Variants in UBE2G1 observed in about 807,000 individuals in gnomAD.
UBE2G1 encodes the protein ubiquitin-conjugating enzyme E2 G1.
Under a neutral mutation model 22.7 loss-of-function variants are expected in UBE2G1, and 5 were observed. The observed-to-expected ratio is 0.22, with a 90% CI of 0.12 to 0.46. The LOEUF is 0.46. Among genes scored for constraint, UBE2G1 ranks in the 20% least tolerant of loss-of-function variants. The probability of loss-of-function intolerance (pLI) is 0.99; values close to 1 mark genes in which losing one functional copy is unlikely to be tolerated. For synonymous variants in UBE2G1, 74 were observed against 67.5 expected (o/e 1.10, Z -0.47); for missense variants, 88 against 203.9 (o/e 0.43, Z 3.46).
intron 1 of UBE2G1, among the ~76,000 whole-genome samples, chr17:4,353,426 CAT>C (rs757254438): frequency 1.3e-5 from 2 of 149,918 alleles, no homozygotes; most frequent in East Asian, 1.9e-4. Flanking sequence ...AACGAAACCC[CAT>C]ATATATATAG....
At chr17:4,356,993 G>C (rs1969912910) in intron 1 of UBE2G1, among the ~76,000 whole-genome samples, 1 of 152,086 alleles carries the variant, frequency 6.6e-6, no homozygotes, top group African/African-American at 2.4e-5. Flanking sequence ...CTAACACCCT[G>C]TATAACTCTA....
At chr17:4,341,780 A>C (rs55739008) in intron 1 of UBE2G1, among the ~76,000 whole-genome samples, 1 of 152,236 alleles carries the variant, frequency 6.6e-6, no homozygotes, top group Non-Finnish European at 1.5e-5. Flanking sequence ...ATTCACCTCT[A>C]GTGGTCACTC....
chr17:4,285,786 C>T, intron 4 of UBE2G1, among the ~76,000 whole-genome samples: 1 of 151,960 alleles, frequency 6.6e-6, no homozygotes, highest in Non-Finnish European at 1.5e-5. Context: ...CCCATCTCTA[C>T]TAAAAATACA....
At chr17:4,313,325 T>C (rs1214344167) in intron 1 of UBE2G1, among the ~76,000 whole-genome samples, 2 of 152,124 alleles carry the variant, frequency 1.3e-5, no homozygotes, top group African/African-American at 4.8e-5. Flanking sequence ...ATTTGCAAAA[T>C]AGGGAGAAGT....
chr17:4,279,773 C>G (rs1186430403), intron 5 of UBE2G1, among the ~76,000 whole-genome samples: 1 of 134,436 alleles, frequency 7.4e-6, no homozygotes, highest in African/African-American at 3.2e-5. Flanking sequence ...AAACTCTGCC[C>G]CCAAAAAAAA....
intron 5 of UBE2G1, among the ~76,000 whole-genome samples, chr17:4,273,081 A>C (rs986383274): frequency 2.0e-5 from 3 of 152,114 alleles, no homozygotes; most frequent in African/African-American, 7.2e-5. Context: ...CTCCATCCCA[A>C]CCACAGTTTC....
At chr17:4,317,388 G>A (rs1438739437) in intron 1 of UBE2G1, among the ~76,000 whole-genome samples, 1 of 152,102 alleles carries the variant, frequency 6.6e-6, no homozygotes, top group Non-Finnish European at 1.5e-5. Context: ...ATGGTGGCAT[G>A]TGCCTATATA....
chr17:4,336,492 A>G (rs1322971894), intron 1 of UBE2G1, among the ~76,000 whole-genome samples: 1 of 152,198 alleles, frequency 6.6e-6, no homozygotes, highest in African/African-American at 2.4e-5. Flanking sequence ...ATATGTTATA[A>G]AACTATATAT....
chr17:4,295,847 G>A (rs920555212), intron 3 of UBE2G1, among the ~76,000 whole-genome samples: 2 of 149,608 alleles, frequency 1.3e-5, no homozygotes, highest in Non-Finnish European at 3.0e-5. Flanking sequence ...CAGCTGGCTA[G>A]GCAGGAGAAC....
chr17:4,316,157 A>T (rs1308500194), intron 1 of UBE2G1, among the ~76,000 whole-genome samples: 1 of 151,816 alleles, frequency 6.6e-6, no homozygotes, highest in Non-Finnish European at 1.5e-5. Context: ...CCAAATACAA[A>T]CTGAGGTTTA....
intron 1 of UBE2G1, among the ~76,000 whole-genome samples, chr17:4,328,937 T>G (rs1451831214): frequency 1.3e-5 from 2 of 151,164 alleles, no homozygotes; most frequent in African/African-American, 4.9e-5. Flanking sequence ...ATACAAAGAA[T>G]TAGCCAAGGA....
At chr17:4,325,765 GACATAATAT>G (rs1377851248) in intron 1 of UBE2G1, among the ~76,000 whole-genome samples, 2 of 152,076 alleles carry the variant, frequency 1.3e-5, no homozygotes, top group Non-Finnish European at 2.9e-5. Flanking sequence ...CAAAAAGACA[GACATAATAT>G]ACACCAATGA....
chr17:4,354,579 TA>T (rs1969883295), intron 1 of UBE2G1, among the ~76,000 whole-genome samples: 1 of 152,008 alleles, frequency 6.6e-6, no homozygotes, highest in Non-Finnish European at 1.5e-5. Context: ...TATCAGAAAA[TA>T]AAACTGTTTC....
intron 1 of UBE2G1, among the ~76,000 whole-genome samples, chr17:4,338,504 C>A (rs182977128): frequency 6.6e-6 from 1 of 152,176 alleles, no homozygotes; most frequent in Non-Finnish European, 1.5e-5. Context: ...CAGTCCCAGA[C>A]ATTTTCATAG....
At chr17:4,305,320 T>C (rs1003103058) in intron 2 of UBE2G1, among the ~76,000 whole-genome samples, 2 of 152,242 alleles carry the variant, frequency 1.3e-5, no homozygotes, top group Non-Finnish European at 2.9e-5. Flanking sequence ...CCTTTCTTCA[T>C]TCCCCTGTAC....
intron 1 of UBE2G1, among the ~76,000 whole-genome samples, chr17:4,338,754 A>G (rs1425990832): frequency 6.6e-6 from 1 of 152,216 alleles, no homozygotes; most frequent in African/African-American, 2.4e-5. Context: ...TGAGAGTCAA[A>G]ATATTTAACA....
At chr17:4,276,443 G>A (rs1968822837) in intron 5 of UBE2G1, among the ~76,000 whole-genome samples, 1 of 152,116 alleles carries the variant, frequency 6.6e-6, no homozygotes, top group Non-Finnish European at 1.5e-5. Flanking sequence ...ACAGGCGTGA[G>A]CCACTGCCCC....
intron 3 of UBE2G1, among the ~76,000 whole-genome samples, chr17:4,291,376 A>AG (rs34558166): frequency 5.3e-5 from 8 of 150,834 alleles, no homozygotes; most frequent in Admixed American, 2.0e-4. Flanking sequence ...AAAAAAAAAA[A>AG]GGAATAACAT....
At chr17:4,293,731 A>T (rs191027533) in intron 3 of UBE2G1, among the ~76,000 whole-genome samples, 34 of 152,262 alleles carry the variant, frequency 2.2e-4, no homozygotes, top group Admixed American at 6.5e-4. Context: ...GTGGTATTTC[A>T]TTATGGTTTT....
Sources: allele counts gnomAD v4.1 joint callset (sites outside exome capture counted in the v4.1 genomes callset), GRCh38; gene constraint gnomAD v4.1.1; transcripts MANE v1.5; gene names NCBI Gene and HGNC (gene_info 2026-07-23, HGNC 2026-07-21).